The following RASGRF2 variants were observed in gnomAD, a reference collection of about 807,000 sequenced individuals.
The protein encoded by RASGRF2 is Ras protein specific guanine nucleotide releasing factor 2.
Under a neutral mutation model 151.0 loss-of-function variants are expected in RASGRF2, and 76 were observed. The observed-to-expected ratio is 0.50, with a 90% CI of 0.42 to 0.61. The LOEUF (loss-of-function observed/expected upper bound fraction) is 0.61. Ranked by LOEUF, RASGRF2 falls within the 20% of genes least tolerant of loss-of-function variation. The pLI, the probability that RASGRF2 is intolerant of heterozygous loss-of-function variation, is 0.00. For synonymous variants in RASGRF2, 504 were observed against 566.5 expected, an observed-to-expected ratio of 0.89 and a Z score of 1.57; for missense variants, 1,148 against 1,564.6, an observed-to-expected ratio of 0.73 and a Z score of 4.49.
At chr5:81,026,947 T>C (rs1042077234) in intron 1 of RASGRF2, among the ~76,000 whole-genome samples, 2 of 152,202 alleles carry the variant, frequency 1.3e-5, no homozygotes, top group Non-Finnish European at 2.9e-5. Flanking sequence ...TAGATAAGAA[T>C]GAGTGGAATT....
At chr5:81,093,066 T>C (rs931663266) in intron 10 of RASGRF2, 105 bp downstream of exon 10, 9 of 1,180,364 alleles carry the variant, frequency 7.6e-6, no homozygotes, top group South Asian at 6.4e-5. Flanking sequence ...ATAAAACAGA[T>C]TGTCATGATT....
intron 12 of RASGRF2, among the ~76,000 whole-genome samples, chr5:81,106,991 C>A (rs1752864103): frequency 6.6e-6 from 1 of 152,024 alleles, no homozygotes; most frequent in Non-Finnish European, 1.5e-5. Context: ...CTTTGGGGTC[C>A]ACTACAGGGT....
At chr5:81,190,807 G>A (rs1013037717) in intron 18 of RASGRF2, among the ~76,000 whole-genome samples, 10 of 152,220 alleles carry the variant, frequency 6.6e-5, no homozygotes, top group African/African-American at 2.4e-4. Context: ...TTTAGGAAGT[G>A]TGCCTTCAAT....
chr5:81,080,930 T>C lies in RASGRF2; in HGVS notation c.1161+141T>C, dbSNP rs957457363. On this transcript the variant is annotated intron_variant, in intron 7 of 26. Transcript: ENST00000265080. ...GTACCATCTGTTGCTGTCTTGAGCT[T>C]GACCCTGAGATAAACAAATATTGTG... 1.2e-4 allele frequency: 86 copies of C among 717,492 alleles called. No homozygotes were observed. The African/African-American group carries it at 1.5e-3, about 12-fold the overall frequency. The allele number at this position is 717,492 out of a possible 1,614,324, so 44.4% of individuals were successfully genotyped here.
At chr5:81,196,755 A>ATT (rs1755275371) in intron 18 of RASGRF2, among the ~76,000 whole-genome samples, 1 of 152,146 alleles carries the variant, frequency 6.6e-6, no homozygotes, top group Non-Finnish European at 1.5e-5. Flanking sequence ...TGCATTTATG[A>ATT]TAATCAGATT....
intron 17 of RASGRF2, among the ~76,000 whole-genome samples, chr5:81,170,294 C>G (rs1473586909): frequency 2.6e-5 from 4 of 152,216 alleles, no homozygotes; most frequent in Non-Finnish European, 5.9e-5. Context: ...TTGCCCCCCT[C>G]CAGTGCACAC....
intron 17 of RASGRF2, among the ~76,000 whole-genome samples, chr5:81,132,291 T>C (rs746112476): frequency 6.6e-6 from 1 of 152,208 alleles, no homozygotes; most frequent in African/African-American, 2.4e-5. Flanking sequence ...ATACTTGCAA[T>C]AGGGAATATT....
intron 13 of RASGRF2, among the ~76,000 whole-genome samples, chr5:81,110,949 G>A (rs1752976038): frequency 6.6e-6 from 1 of 152,198 alleles, no homozygotes; most frequent in African/African-American, 2.4e-5. Flanking sequence ...CAGCTCCTTG[G>A]CAGGGTGAAG....
chr5:81,137,799 A>G (rs536960732), intron 17 of RASGRF2, among the ~76,000 whole-genome samples: 13 of 152,262 alleles, frequency 8.5e-5, no homozygotes, highest in African/African-American at 2.6e-4. Context: ...TTTAGCACCA[A>G]TTCTGTGGTA....
chr5:81,123,871 G>A (rs1285574922), intron 16 of RASGRF2, 104 bp downstream of exon 16: 26 of 1,379,668 alleles, frequency 1.9e-5, no homozygotes, highest in Middle Eastern at 2.5e-4. Flanking sequence ...AATTTTTTTA[G>A]TCTCACTTAT....
intron 26 of RASGRF2, among the ~76,000 whole-genome samples, chr5:81,222,178 A>G (rs957535863): frequency 6.6e-6 from 1 of 152,176 alleles, no homozygotes; most frequent in Admixed American, 6.5e-5. Context: ...CTATGTGTGT[A>G]TAGATTTTAT....
chr5:80,984,990 A>G (rs1258590456), intron 1 of RASGRF2, among the ~76,000 whole-genome samples: 2 of 152,198 alleles, frequency 1.3e-5, no homozygotes, highest in African/African-American at 4.8e-5. Flanking sequence ...CGAGTGGATC[A>G]CTTGAGTTCT....
rs188568577 is a variant in RASGRF2, at chr5:80,983,858, A to G, written c.288+22832A>G. ...ACTGGGTGAAATAAAATGTATTATT[A>G]AAGTTAATTTTACTTATTTCTCTTT... On this transcript the variant is annotated intron_variant, in intron 1 of 26. Transcript: ENST00000265080. Among the ~76,000 whole-genome samples the G allele has an allele frequency of 2.1e-3, 323 of 152,366 alleles. 3 individuals carry two copies. Among genetic ancestry groups the G allele is most frequent in the Non-Finnish European group, 3.3e-3 (223 of 68,034 alleles).
intron 13 of RASGRF2, among the ~76,000 whole-genome samples, chr5:81,109,850 C>T (rs34114): frequency 0.72 from 109,212 of 152,074 alleles, 39,566 homozygotes; most frequent in Middle Eastern, 0.83. Flanking sequence ...ACTTAATGAA[C>T]TGGAATTGTT....
chr5:81,174,661 T>A (rs1362622145), intron 17 of RASGRF2, among the ~76,000 whole-genome samples: 1 of 152,250 alleles, frequency 6.6e-6, no homozygotes, highest in African/African-American at 2.4e-5. Flanking sequence ...GTAATCAGAT[T>A]GTCTATATCA....
In RASGRF2 at chr5:81,086,836, G is replaced by T; in HGVS notation, c.1273G>T (p.Val425Leu). 1 of 1,608,384 alleles carries T rather than the reference G, an allele frequency of 6.2e-7. No individual in the cohort carries two copies. The highest frequency in any genetic ancestry group is 1.7e-4 in the Middle Eastern group (1 of 6,054). The change falls in exon 9 of 27, where the codon GTA (valine) becomes TTA (leucine). Residue 425 changes from valine (V) to leucine (L), a missense_variant and splice_region_variant. Around this residue, in one of 5 missense-constraint regions of RASGRF2, gnomAD observed 176 missense variants for 309.6 expected, o/e 0.57. Transcript: ENST00000265080. ...GATCCTGTCTGTGTTGTGTCACAGA[G>T]TAATGCACGATGAAGTCAGCGACAC... is the stretch of plus-strand genomic sequence containing the variant. ...AKSKLEELSR[V>L]MHDEVSDTEN...
intron 3 of RASGRF2, chr5:81,070,206 C>G (rs1751731094): frequency 2.8e-6 from 1 of 353,812 alleles, no homozygotes; most frequent in African/African-American, 2.1e-5. Context: ...TCTTGGCGGG[C>G]TCACCACTGG....
chr5:80,980,769 G>A (rs1748273416), intron 1 of RASGRF2, among the ~76,000 whole-genome samples: 1 of 152,186 alleles, frequency 6.6e-6, no homozygotes, highest in African/African-American at 2.4e-5. Context: ...GTGATGTTTA[G>A]ATGAAACATT....
chr5:81,205,561 G>C (rs988372002), intron 19 of RASGRF2, among the ~76,000 whole-genome samples: 6 of 152,006 alleles, frequency 3.9e-5, no homozygotes, highest in Non-Finnish European at 5.9e-5. Flanking sequence ...TGTTTTTGAG[G>C]GTTGTGGCTG....
Sources: allele counts gnomAD v4.1 joint callset (sites outside exome capture counted in the v4.1 genomes callset), GRCh38; gene constraint gnomAD v4.1.1; regional missense constraint gnomAD v4.1.1; transcripts MANE v1.5; gene names NCBI Gene and HGNC (gene_info 2026-07-23, HGNC 2026-07-21).